Variants in FBXW11 observed in about 807,000 individuals in gnomAD.
FBXW11 encodes F-box and WD repeat domain containing 11.
Under a neutral mutation model 77.6 loss-of-function variants are expected in FBXW11, and 19 were observed. That is an observed-to-expected ratio of 0.24 (90% CI 0.17 to 0.36). The LOEUF (loss-of-function observed/expected upper bound fraction) is 0.36. FBXW11 is among the 10% of genes least tolerant of loss of function. The pLI is 1.00. For missense variants in FBXW11, 334 were observed against 704.2 expected (o/e 0.47, Z 5.95); for synonymous variants, 235 against 249.4 (o/e 0.94, Z 0.54).
chr5:171,871,615 T>G (rs906619311), intron 10 of FBXW11, among the ~76,000 whole-genome samples: 1 of 152,190 alleles, frequency 6.6e-6, no homozygotes, highest in Non-Finnish European at 1.5e-5. Flanking sequence ...TTAGAGATCT[T>G]TTTTCCTATT....
chr5:171,966,395 T>C (rs1764187893), intron 1 of FBXW11, among the ~76,000 whole-genome samples: 1 of 151,986 alleles, frequency 6.6e-6, no homozygotes, highest in African/African-American at 2.4e-5. Context: ...GATTCAAAAA[T>C]GTCACCAAGT....
intron 1 of FBXW11, among the ~76,000 whole-genome samples, chr5:172,006,244 G>C (rs898669561): frequency 3.0e-4 from 45 of 152,206 alleles, no homozygotes; most frequent in Admixed American, 7.8e-4. Flanking sequence ...GGAGAAGCGA[G>C]GGGCATGGAG....
chr5:171,986,025 T>C (rs1765421405), intron 1 of FBXW11, among the ~76,000 whole-genome samples: 1 of 152,212 alleles, frequency 6.6e-6, no homozygotes, highest in Non-Finnish European at 1.5e-5. Flanking sequence ...TACAGGAAAG[T>C]ACAAGCTCTG....
At chr5:171,886,684 T>C (rs1334225821) in intron 7 of FBXW11, among the ~76,000 whole-genome samples, 2 of 152,140 alleles carry the variant, frequency 1.3e-5, no homozygotes, top group African/African-American at 2.4e-5. Context: ...AGTATACTGG[T>C]AGCCACAGGT....
At chr5:171,942,834 A>T (rs138677042) in intron 2 of FBXW11, among the ~76,000 whole-genome samples, 3,695 of 152,146 alleles carry the variant, frequency 0.024, 85 homozygotes, top group African/African-American at 0.058. Flanking sequence ...TAAATTTTTT[A>T]AATTTAATTA....
chr5:171,981,279 GCCCTACATA>G (rs1765131361), intron 1 of FBXW11, among the ~76,000 whole-genome samples: 1 of 152,082 alleles, frequency 6.6e-6, no homozygotes, highest in Non-Finnish European at 1.5e-5. Flanking sequence ...TCTAGACCTT[GCCCTACATA>G]CCTCTTAGTC....
chr5:171,988,427 G>A (rs1001595548), intron 1 of FBXW11, among the ~76,000 whole-genome samples: 2 of 152,196 alleles, frequency 1.3e-5, no homozygotes, highest in Non-Finnish European at 2.9e-5. Context: ...CCAAACCTGA[G>A]ACAATCTGAG....
At chr5:171,897,593 T>G (rs747374105) in intron 6 of FBXW11, among the ~76,000 whole-genome samples, 4 of 152,190 alleles carry the variant, frequency 2.6e-5, no homozygotes, top group Admixed American at 6.5e-5. Flanking sequence ...GTCATGAGGA[T>G]TCAATCAAAC....
intron 2 of FBXW11, among the ~76,000 whole-genome samples, chr5:171,928,715 A>AT (rs1762013121): frequency 6.6e-6 from 1 of 152,200 alleles, no homozygotes. Context: ...AAGATGGAAC[A>AT]TTTTCCCCTT....
intron 4 of FBXW11, among the ~76,000 whole-genome samples, chr5:171,909,236 C>T (rs1295260099): frequency 6.6e-6 from 1 of 152,048 alleles, no homozygotes; most frequent in Non-Finnish European, 1.5e-5. Flanking sequence ...TCACTTGAGC[C>T]CAGGAGCTCA....
intron 1 of FBXW11, among the ~76,000 whole-genome samples, chr5:171,994,691 C>T (rs984555293): frequency 4.6e-5 from 7 of 152,140 alleles, no homozygotes; most frequent in African/African-American, 1.7e-4. Context: ...ACTTCTACTA[C>T]TAGTACCATT....
intron 3 of FBXW11, among the ~76,000 whole-genome samples, chr5:171,912,675 G>A (rs1479653061): frequency 6.6e-6 from 1 of 152,172 alleles, no homozygotes; most frequent in East Asian, 1.9e-4. Context: ...GGGAGGCCAA[G>A]TTGGCTGGAT....
intron 3 of FBXW11, among the ~76,000 whole-genome samples, chr5:171,913,795 C>T (rs1761031896): frequency 6.7e-6 from 1 of 148,666 alleles, no homozygotes; most frequent in South Asian, 2.1e-4. Flanking sequence ...TGCTTGCTCC[C>T]CAAACCCCCA....
chr5:171,872,380 A>ATGTT (rs371716139), intron 10 of FBXW11, among the ~76,000 whole-genome samples: 246 of 152,358 alleles, frequency 1.6e-3, no homozygotes, highest in African/African-American at 5.2e-3. Flanking sequence ...TATTGAAGGG[A>ATGTT]TGTTCTTAGT....
chr5:171,892,122 C>G, intron 6 of FBXW11, among the ~76,000 whole-genome samples: 1 of 152,158 alleles, frequency 6.6e-6, no homozygotes, highest in East Asian at 1.9e-4. Context: ...TACATTTTAG[C>G]CCTAGATTCT....
intron 7 of FBXW11, among the ~76,000 whole-genome samples, chr5:171,879,633 TTGGCC>T: frequency 6.6e-6 from 1 of 152,358 alleles, no homozygotes; most frequent in East Asian, 1.9e-4. Context: ...GTTCTGGATT[TTGGCC>T]ATGCTAACAG....
intron 4 of FBXW11, among the ~76,000 whole-genome samples, chr5:171,902,228 T>C (rs937830046): frequency 1.3e-5 from 2 of 152,210 alleles, no homozygotes; most frequent in Non-Finnish European, 2.9e-5. Context: ...GGTAACTTTA[T>C]CCAAAAAGGA....
intron 6 of FBXW11, among the ~76,000 whole-genome samples, chr5:171,896,857 G>A (rs147346839): frequency 6.6e-6 from 1 of 152,206 alleles, no homozygotes; most frequent in African/African-American, 2.4e-5. Context: ...CCAGTCATAC[G>A]GACAGAGCCA....
chr5:171,950,755 C>T (rs1056148552), intron 2 of FBXW11, among the ~76,000 whole-genome samples: 5 of 152,036 alleles, frequency 3.3e-5, no homozygotes, highest in African/African-American at 1.2e-4. Context: ...GGCGTGGTGG[C>T]GCACACCTGT....
Sources: allele counts gnomAD v4.1 joint callset (sites outside exome capture counted in the v4.1 genomes callset), GRCh38; gene constraint gnomAD v4.1.1; transcripts MANE v1.5; gene names NCBI Gene and HGNC (gene_info 2026-07-23, HGNC 2026-07-21).